KLRG1: variants seen among roughly 807,000 people sequenced by gnomAD.
KLRG1 encodes the protein killer cell lectin like receptor G1.
A neutral mutation model predicts 21.8 loss-of-function variants in KLRG1; 16 were observed. That is an observed-to-expected ratio of 0.73 (90% confidence interval 0.50 to 1.11). KLRG1 has a LOEUF of 1.11. KLRG1 is among the 50% of genes most tolerant of loss of function. The pLI, the probability that KLRG1 is intolerant of heterozygous loss-of-function variation, is 0.00. For missense variants in KLRG1, 173 were observed against 218.3 expected (o/e 0.79, Z 1.31); for synonymous variants, 69 against 75.9 (o/e 0.91, Z 0.47).
the KLRG1 span, chr12:9,116,308 G>C: frequency 4.6e-6 from 1 of 215,688 alleles, no homozygotes; most frequent in Non-Finnish European, 9.5e-6. Context: ...AGTCAGTGTG[G>C]CTGCAAGTTC....
At position 8,995,924 on chromosome 12, in the gene KLRG1, T is replaced by C. The variant is rs764826498; in HGVS notation, c.357+636T>C. On this transcript the variant is annotated intron_variant, in intron 3 of 4. Coordinates refer to ENST00000356986, the MANE Select transcript of KLRG1 (RefSeq NM_005810.4). ...GCCTTGATCTCCTGACCTTGTGATCTGCCCGCCTCGGCCTCCCAAAGTGCT... is the reference window on the plus strand; with the variant it reads ...GCCTTGATCTCCTGACCTTGTGATCCGCCCGCCTCGGCCTCCCAAAGTGCT... 2.0e-5 allele frequency among the ~76,000 whole-genome samples: 3 copies of C among 152,172 alleles called. No individual in the cohort carries two copies. In the South Asian group the frequency reaches 6.2e-4, roughly 32 times the overall value.
chr12:9,141,210 A>G, the KLRG1 span, among the ~76,000 whole-genome samples: 1 of 152,220 alleles, frequency 6.6e-6, no homozygotes, highest in East Asian at 1.9e-4. Context: ...GGAGTCTCTT[A>G]TAACTTTGGA....
chr12:9,007,811 T>A (rs2137439004), intron 3 of KLRG1, among the ~76,000 whole-genome samples: 1 of 152,358 alleles, frequency 6.6e-6, no homozygotes. Context: ...CCAAAGGTAT[T>A]TAACCAATTA....
chr12:9,019,605 C>A, the KLRG1 span, among the ~76,000 whole-genome samples: 1 of 152,096 alleles, frequency 6.6e-6, no homozygotes, highest in African/African-American at 2.4e-5. Flanking sequence ...AGAATGAGAT[C>A]CTGGCTGGGC....
At position 9,009,839 on chromosome 12, in the gene KLRG1, A is replaced by G. The variant is rs925015492; in HGVS notation, c.*302A>G. 4.1e-6 allele frequency: 6 copies of G among 1,451,724 alleles called. No individual in the cohort carries two copies. The African/African-American group carries it at 7.1e-5, about 17-fold the overall frequency. The allele number at this position is 1,451,724 out of a possible 1,614,324, so 89.9% of individuals were successfully genotyped here. On this transcript the variant is annotated 3_prime_UTR_variant, in exon 5 of 5. Coordinates refer to ENST00000356986, the MANE Select transcript of KLRG1 (RefSeq NM_005810.4). Reference sequence around the variant, plus strand: ...TGCTGCCACTCTCATCCCCGTCCCAACCATCTCTGTCAAAAATATACCTTT... The same window carrying G: ...TGCTGCCACTCTCATCCCCGTCCCAGCCATCTCTGTCAAAAATATACCTTT...
the KLRG1 span, among the ~76,000 whole-genome samples, chr12:9,178,453 G>C: frequency 6.6e-6 from 1 of 152,124 alleles, no homozygotes; most frequent in Non-Finnish European, 1.5e-5. Flanking sequence ...ATTGATGCTG[G>C]CAATTGGGAG....
chr12:9,196,571 C>T, the KLRG1 span: 4 of 1,598,334 alleles, frequency 2.5e-6, no homozygotes, highest in Middle Eastern at 1.7e-4. Flanking sequence ...TTACTCACAC[C>T]TGTCCCCTCT....
chr12:9,111,814 A>G, the KLRG1 span, among the ~76,000 whole-genome samples: 2 of 152,202 alleles, frequency 1.3e-5, no homozygotes, highest in Non-Finnish European at 2.9e-5. Context: ...AGATGTGTAT[A>G]GAAAAAATCT....
chr12:9,005,232 C>T (rs759644281), intron 3 of KLRG1, among the ~76,000 whole-genome samples: 4 of 151,986 alleles, frequency 2.6e-5, no homozygotes, highest in Non-Finnish European at 4.4e-5. Context: ...AGGGATAGCA[C>T]TAAGAGAAAT....
chr12:9,021,764 C>T, the KLRG1 span, among the ~76,000 whole-genome samples: 1 of 152,144 alleles, frequency 6.6e-6, no homozygotes, highest in Non-Finnish European at 1.5e-5. Flanking sequence ...GGGTCAGGAT[C>T]ATCAGTATCA....
chr12:9,154,617 T>G, the KLRG1 span: 1 of 1,613,946 alleles, frequency 6.2e-7, no homozygotes, highest in Non-Finnish European at 8.5e-7. Flanking sequence ...ACCACTGACC[T>G]GGGTGGAGGA....
At chr12:9,183,970 G>A in the KLRG1 span, among the ~76,000 whole-genome samples, 16 of 152,158 alleles carry the variant, frequency 1.1e-4, no homozygotes, top group Non-Finnish European at 2.9e-5. Context: ...AAGGAAATAA[G>A]CTCCCCTTCT....
At chr12:9,090,006 C>T in the KLRG1 span, 1 of 1,591,938 alleles carries the variant, frequency 6.3e-7, no homozygotes, top group Non-Finnish European at 8.6e-7. Flanking sequence ...TCTGCGCTCA[C>T]AGTGAAATTC....
chr12:9,120,711 A>T, the KLRG1 span, among the ~76,000 whole-genome samples: 16 of 152,202 alleles, frequency 1.1e-4, no homozygotes, highest in Non-Finnish European at 2.4e-4. Context: ...GCATAACCAT[A>T]TTCACCCTAT....
chr12:9,054,295 G>A, the KLRG1 span, among the ~76,000 whole-genome samples: 2 of 152,096 alleles, frequency 1.3e-5, no homozygotes, highest in African/African-American at 4.8e-5. Flanking sequence ...TCTGTGATCA[G>A]ATATATGCTG....
chr12:9,042,697 C>T, the KLRG1 span, among the ~76,000 whole-genome samples: 1 of 152,106 alleles, frequency 6.6e-6, no homozygotes. Context: ...TAAAAGAATT[C>T]TGCTGCCTTG....
chr12:8,987,419 A>G (rs1285260085), upstream of KLRG1: 1 of 152,210 alleles, frequency 6.6e-6, no homozygotes, highest in African/African-American at 2.4e-5. Context: ...GAAGTCTGCA[A>G]CCCACAGGGG....
chr12:9,089,898 T>G, the KLRG1 span: 1 of 1,606,954 alleles, frequency 6.2e-7, no homozygotes, highest in Non-Finnish European at 8.5e-7. Flanking sequence ...TTAGGTTTAC[T>G]TACTTCAACC....
the KLRG1 span, chr12:9,068,259 C>T: frequency 2.5e-5 from 40 of 1,593,410 alleles, no homozygotes; most frequent in Non-Finnish European, 3.4e-5. Context: ...AACCAGAAAT[C>T]ATTACATGAA....
Sources: gnomAD v4.1 joint callset for allele counts (sites outside exome capture counted in the v4.1 genomes callset) on GRCh38, gnomAD v4.1.1 for gene constraint, MANE v1.5 for transcripts, NCBI Gene and HGNC (gene_info 2026-07-23, HGNC 2026-07-21) for gene names.